TMTC2: variants seen among roughly 807,000 people sequenced by gnomAD.
TMTC2 encodes the protein transmembrane O-mannosyltransferase targeting cadherins 2.
In TMTC2, 43 loss-of-function variants were observed where a neutral mutation model predicts 82.4. The ratio of observed to expected loss-of-function variants is 0.52; its 90% CI spans 0.41 to 0.67. The LOEUF is 0.67. Ranked by LOEUF, TMTC2 falls within the 30% of genes least tolerant of loss-of-function variation. TMTC2 has a pLI of 0.00. For synonymous variants in TMTC2, 408 were observed against 381.9 expected (o/e 1.07, Z -0.80); for missense variants, 919 against 1,012.4 (o/e 0.91, Z 1.25).
At chr12:82,821,417 T>TGATAACAG (rs1360152650) in intron 1 of TMTC2, among the ~76,000 whole-genome samples, 1 of 152,212 alleles carries the variant, frequency 6.6e-6, no homozygotes, top group East Asian at 1.9e-4. Flanking sequence ...TAATGACTAA[T>TGATAACAG]GATAACAGCT....
intron 1 of TMTC2, among the ~76,000 whole-genome samples, chr12:82,740,761 C>T (rs943873382): frequency 6.6e-6 from 1 of 152,204 alleles, no homozygotes; most frequent in Non-Finnish European, 1.5e-5. Context: ...TGGCTCCATA[C>T]CGGCTCTTCT....
At chr12:82,735,627 G>T (rs1358358723) in intron 1 of TMTC2, among the ~76,000 whole-genome samples, 1 of 150,886 alleles carries the variant, frequency 6.6e-6, no homozygotes, top group Admixed American at 6.6e-5. Context: ...TTACAGGCGT[G>T]AGCCACCGCA....
intron 11 of TMTC2, among the ~76,000 whole-genome samples, chr12:83,127,454 C>T (rs1885130246): frequency 6.6e-6 from 1 of 151,960 alleles, no homozygotes. Context: ...TACAAGAGAG[C>T]CCAACTACTG....
chr12:82,872,521 G>T (rs765035507), intron 2 of TMTC2, among the ~76,000 whole-genome samples: 1 of 152,092 alleles, frequency 6.6e-6, no homozygotes, highest in African/African-American at 2.4e-5. Flanking sequence ...ATGTGTTCTT[G>T]ACAGGCATTG....
At chr12:82,982,854 A>G (rs1878983692) in intron 7 of TMTC2, among the ~76,000 whole-genome samples, 1 of 152,016 alleles carries the variant, frequency 6.6e-6, no homozygotes, top group Admixed American at 6.6e-5. Context: ...TTTAAATTGC[A>G]GTTTTACCAT....
At chr12:82,728,111 C>T (rs1016198038) in intron 1 of TMTC2, among the ~76,000 whole-genome samples, 7 of 127,584 alleles carry the variant, frequency 5.5e-5, no homozygotes, top group Admixed American at 1.6e-4. Flanking sequence ...ATTAGAATTG[C>T]GCACATTAGA....
chr12:82,966,925 C>T lies in TMTC2; in HGVS notation c.1876C>T (p.Leu626Phe), dbSNP rs1252764702. The T allele has an allele frequency of 6.2e-7, 1 of 1,610,898 alleles. No homozygotes were observed. Among genetic ancestry groups the T allele is most frequent in the Non-Finnish European group, 8.5e-7 (1 of 1,178,072 alleles). Residue 626 changes from leucine to phenylalanine, a missense_variant, in exon 7 of 12, where the codon CTT becomes TTT. Coordinates refer to ENST00000321196, the MANE Select transcript of TMTC2 (RefSeq NM_152588.3). ...TTTTTGTTTTATAAATTAGGAAGCC[C>T]TTAGTGTATACAAGGAAGCAATTCA... ...YHEQGHYEEALSVYKEAIQKM... is the reference protein window; with the variant it reads ...YHEQGHYEEAFSVYKEAIQKM...
At chr12:82,904,229 ATTACAGATGGAG>A (rs1874174563) in intron 3 of TMTC2, among the ~76,000 whole-genome samples, 1 of 152,142 alleles carries the variant, frequency 6.6e-6, no homozygotes, top group South Asian at 2.1e-4. Flanking sequence ...GTTTTCTGAG[ATTACAGATGGAG>A]TTAGGATTTT....
intron 1 of TMTC2, among the ~76,000 whole-genome samples, chr12:82,790,175 T>TA (rs368323390): frequency 0.056 from 7,643 of 136,324 alleles, 508 homozygotes; most frequent in African/African-American, 0.16. Flanking sequence ...CCTTGTCTCT[T>TA]AAAAAAAAAA....
chr12:83,030,485 CTGTCT>C (rs141105363), intron 8 of TMTC2, among the ~76,000 whole-genome samples: 107 of 152,150 alleles, frequency 7.0e-4, no homozygotes, highest in African/African-American at 2.4e-3. Context: ...TTCTTTAAAA[CTGTCT>C]TGTCTTTCTG....
At chr12:82,819,308 A>G (rs986483615) in intron 1 of TMTC2, among the ~76,000 whole-genome samples, 2 of 152,008 alleles carry the variant, frequency 1.3e-5, no homozygotes, top group Non-Finnish European at 2.9e-5. Flanking sequence ...TTGCTCTTAT[A>G]ATGTTAACTT....
chr12:82,951,823 A>G (rs982801085), intron 4 of TMTC2, among the ~76,000 whole-genome samples: 1 of 152,184 alleles, frequency 6.6e-6, no homozygotes, highest in South Asian at 2.1e-4. Flanking sequence ...TGCATCCTCT[A>G]TTAGTGCTTT....
rs749853255 is a variant in TMTC2 at position 82,896,330 on chromosome 12, T to G, written c.1167T>G (p.Ser389=). The G allele has an allele frequency of 6.2e-7, 1 of 1,614,124 alleles. No individual in the cohort carries two copies. The highest frequency in any genetic ancestry group is 1.1e-5 in the South Asian group (1 of 91,078). The change falls in exon 3 of 12, where the codon TCT becomes TCG. Residue 389 remains serine, a synonymous_variant. Transcript: ENST00000321196. ...TATCACAGAGAACCCAGCTTCCTTCTACGGAGAACATTGTTGTTCTGTCTT... is the reference window on the plus strand; with the variant it reads ...TATCACAGAGAACCCAGCTTCCTTCGACGGAGAACATTGTTGTTCTGTCTT... ...NDVSQRTQLP[S]TENIVVLSLS... is the part of the protein sequence containing the mutation.
At position 82,995,327 on chromosome 12, in the gene TMTC2, C is replaced by T. The variant is rs367838546; in HGVS notation, c.2070+9281C>T. On this transcript the variant is annotated intron_variant, in intron 8 of 11. Transcript: ENST00000321196. Reference sequence around the variant, plus strand: ...TTTTTCCTTGTGGCATTTGGTTATACACACACACATACACACACACACACA... The same window carrying T: ...TTTTTCCTTGTGGCATTTGGTTATATACACACACATACACACACACACACA... Among the ~76,000 whole-genome samples the T allele has an allele frequency of 7.6e-3, 454 of 59,402 alleles. 2 individuals are homozygous for T. The highest frequency in any genetic ancestry group is 0.018 in the African/African-American group (440 of 24,468). The allele number at this position is 59,402 out of a possible 152,430, so 39.0% of individuals were successfully genotyped here.
intron 7 of TMTC2, among the ~76,000 whole-genome samples, chr12:82,973,108 G>A (rs568786965): frequency 6.6e-6 from 1 of 152,264 alleles, no homozygotes; most frequent in South Asian, 2.1e-4. Context: ...AAGTGTGGAA[G>A]CATTAACACT....
At chr12:83,090,956 G>A (rs896255317) in intron 11 of TMTC2, among the ~76,000 whole-genome samples, 1 of 152,240 alleles carries the variant, frequency 6.6e-6, no homozygotes, top group Non-Finnish European at 1.5e-5. Flanking sequence ...AATTTCAGTA[G>A]CTGAACATTA....
intron 3 of TMTC2, among the ~76,000 whole-genome samples, chr12:82,920,458 C>T (rs184894984): frequency 8.3e-4 from 127 of 152,224 alleles, no homozygotes; most frequent in African/African-American, 2.9e-3. Flanking sequence ...AATTGTTCTT[C>T]TGCCTTTCAA....
intron 1 of TMTC2, among the ~76,000 whole-genome samples, chr12:82,744,601 A>C (rs2136957911): frequency 6.6e-6 from 1 of 152,090 alleles, no homozygotes; most frequent in African/African-American, 2.4e-5. Context: ...AAAAAGAGTG[A>C]AGGCAGCAAG....
At chr12:82,972,907 T>C (rs1459348350) in intron 7 of TMTC2, among the ~76,000 whole-genome samples, 1 of 152,172 alleles carries the variant, frequency 6.6e-6, no homozygotes, top group Admixed American at 6.5e-5. Context: ...TGCATGTGTG[T>C]TTACCTCACC....
Sources: allele counts gnomAD v4.1 joint callset (sites outside exome capture counted in the v4.1 genomes callset), GRCh38; gene constraint gnomAD v4.1.1; transcripts MANE v1.5; gene names NCBI Gene and HGNC (gene_info 2026-07-23, HGNC 2026-07-21).